TMEM273: variants seen among roughly 807,000 people sequenced by gnomAD.
TMEM273 encodes chromosome 10 open reading frame 128.
A neutral mutation model predicts 17.9 loss-of-function variants in TMEM273; 19 were observed. The ratio of observed to expected loss-of-function variants is 1.06; its 90% CI spans 0.74 to 1.55. The LOEUF is 1.55. TMEM273 is among the 40% of genes most tolerant of loss of function. TMEM273 has a pLI of 0.00. For missense variants in TMEM273, 194 were observed against 155.6 expected (o/e 1.25, Z -1.31); for synonymous variants, 66 against 62.0 (o/e 1.07, Z -0.31).
chr10:49,167,020 G>A lies in TMEM273; in HGVS notation c.98-11C>T, dbSNP rs762857512. On this transcript the variant is annotated splice_polypyrimidine_tract_variant and intron_variant, in intron 2 of 6. Transcript: ENST00000374153. ...GGGCGTACTTGAAATCTGAAACGCA[G>A]GGAGGAATTGAACACCCGGTTTCAG... is the stretch of plus-strand genomic sequence containing the variant. 2.7e-5 allele frequency: 44 copies of A among 1,613,214 alleles called. No individual in the cohort carries two copies. Among genetic ancestry groups the A allele is most frequent in the Non-Finnish European group, 3.7e-5 (44 of 1,179,496 alleles).
chr10:49,165,654 A>G, intron 4 of TMEM273, 112 bp downstream of exon 4: 1 of 1,485,294 alleles, frequency 6.7e-7, no homozygotes, highest in Non-Finnish European at 9.3e-7. Flanking sequence ...CTAGTCACCT[A>G]GAAAGCATGC....
chr10:49,186,818 T>G (rs1425335156), intron 1 of TMEM273, among the ~76,000 whole-genome samples: 1 of 152,174 alleles, frequency 6.6e-6, no homozygotes, highest in Non-Finnish European at 1.5e-5. Context: ...GATTAAAACC[T>G]TATCTATAAC....
At chr10:49,165,429 G>C in intron 4 of TMEM273, 146 bp from the exon 5 acceptor site, 1 of 1,498,658 alleles carries the variant, frequency 6.7e-7, no homozygotes, top group South Asian at 1.4e-5. Flanking sequence ...AACCACGTGT[G>C]ACCTCCCAAG....
Position 49,165,814 on chromosome 10 carries a change from G to A in TMEM273, c.239-18C>T, listed in dbSNP as rs750563527. Reference sequence around the variant, plus strand: ...GATGGTGTCTAAACAGAGAAAGCCGGGCATTAGGAAGGGGGTCGTGTGACA... The same window carrying A: ...GATGGTGTCTAAACAGAGAAAGCCGAGCATTAGGAAGGGGGTCGTGTGACA... On this transcript the variant is annotated intron_variant, in intron 3 of 6. Transcript: ENST00000374153. The A allele has an allele frequency of 1.9e-6, 3 of 1,614,150 alleles. No homozygotes were observed. The highest frequency in any genetic ancestry group is 2.5e-6 in the Non-Finnish European group (3 of 1,179,996).
At chr10:49,178,726 C>G (rs1429682349) in intron 1 of TMEM273, among the ~76,000 whole-genome samples, 1 of 152,220 alleles carries the variant, frequency 6.6e-6, no homozygotes, top group Non-Finnish European at 1.5e-5. Flanking sequence ...TAGTTTGGTT[C>G]AAGAGCTTCT....
chr10:49,177,054 A>T (rs529431768), intron 1 of TMEM273, among the ~76,000 whole-genome samples: 1 of 152,276 alleles, frequency 6.6e-6, no homozygotes, highest in African/African-American at 2.4e-5. Flanking sequence ...CAGGGGAGGC[A>T]GGGTCAGATG....
chr10:49,177,674 T>C (rs1847074354), intron 1 of TMEM273, among the ~76,000 whole-genome samples: 2 of 152,172 alleles, frequency 1.3e-5, no homozygotes, highest in Non-Finnish European at 2.9e-5. Context: ...GACCAAAGTA[T>C]CTTAATGTGT....
chr10:49,164,077 C>G (rs1846013130), intron 5 of TMEM273, among the ~76,000 whole-genome samples: 1 of 152,168 alleles, frequency 6.6e-6, no homozygotes, highest in African/African-American at 2.4e-5. Flanking sequence ...AACCCTGTGT[C>G]AACCCAGACC....
At position 49,181,997 on chromosome 10, in the gene TMEM273, A is replaced by C. The variant is rs190702392; in HGVS notation, c.43+6297T>G. ...ACTCTTAAAATTCAACAGTAAAAGAAAAAAGCAAGCAATTCATTTAGAAAA... is the reference window on the plus strand; with the variant it reads ...ACTCTTAAAATTCAACAGTAAAAGACAAAAGCAAGCAATTCATTTAGAAAA... On this transcript the variant is annotated intron_variant, in intron 1 of 6. Transcript: ENST00000374153. 2.1e-4 allele frequency among the ~76,000 whole-genome samples: 32 copies of C among 152,364 alleles called. No individual in the cohort carries two copies. The East Asian group carries it at 5.0e-3, about 24-fold the overall frequency.
At chr10:49,187,802 G>C (rs762275560) in intron 1 of TMEM273, among the ~76,000 whole-genome samples, 1 of 152,204 alleles carries the variant, frequency 6.6e-6, no homozygotes, top group Non-Finnish European at 1.5e-5. Flanking sequence ...GTAGCAAAGA[G>C]TCTGCTTCAC....
chr10:49,161,839 T>TA (rs1845862555), intron 5 of TMEM273, among the ~76,000 whole-genome samples: 1 of 152,132 alleles, frequency 6.6e-6, no homozygotes, highest in Non-Finnish European at 1.5e-5. Flanking sequence ...GGAGCTCTGT[T>TA]ACGATACCTG....
chr10:49,179,994 C>T (rs370649483), intron 1 of TMEM273, among the ~76,000 whole-genome samples: 5 of 152,226 alleles, frequency 3.3e-5, no homozygotes, highest in African/African-American at 9.6e-5. Flanking sequence ...GGAGCCCCCA[C>T]TCCCCAACGA....
At chr10:49,167,148 C>A (rs899176148) in intron 2 of TMEM273, 139 bp from the exon 3 acceptor site, 3 of 1,175,772 alleles carry the variant, frequency 2.6e-6, no homozygotes, top group Non-Finnish European at 3.6e-6. Context: ...CTTCTACTCT[C>A]CCATGAGTCC....
At chr10:49,174,341 A>AGT (rs1366463945) in intron 1 of TMEM273, among the ~76,000 whole-genome samples, 1 of 152,190 alleles carries the variant, frequency 6.6e-6, no homozygotes, top group East Asian at 1.9e-4. Context: ...ACCTACCCCA[A>AGT]GTGCAATAGC....
intron 1 of TMEM273, among the ~76,000 whole-genome samples, chr10:49,179,288 T>A (rs1847192300): frequency 2.0e-5 from 3 of 152,262 alleles, no homozygotes; most frequent in Admixed American, 2.0e-4. Context: ...TGAGTATGTG[T>A]TGGCCTGTGG....
intron 1 of TMEM273, among the ~76,000 whole-genome samples, chr10:49,183,638 T>C (rs1054540546): frequency 1.3e-5 from 2 of 152,172 alleles, no homozygotes; most frequent in African/African-American, 4.8e-5. Flanking sequence ...AATGCCTCAG[T>C]TTGAATCCCA....
At chr10:49,175,648 G>A (rs748591836) in intron 1 of TMEM273, among the ~76,000 whole-genome samples, 1 of 152,272 alleles carries the variant, frequency 6.6e-6, no homozygotes, top group Non-Finnish European at 1.5e-5. Flanking sequence ...GGCTAATGGA[G>A]GGGTGGAGGC....
chr10:49,188,246 GC>G (rs1348628423), intron 1 of TMEM273, 47 bp downstream of exon 1: 1 of 1,608,648 alleles, frequency 6.2e-7, no homozygotes, highest in South Asian at 1.1e-5. Context: ...CCAGTTTCCT[GC>G]CCACTGAGGC....
chr10:49,178,370 G>A, intron 1 of TMEM273: 1 of 449,816 alleles, frequency 2.2e-6, no homozygotes, highest in Admixed American at 2.4e-5. Flanking sequence ...TTACTGAGCA[G>A]GTTCTAGAGC....
Sources: allele counts gnomAD v4.1 joint callset (sites outside exome capture counted in the v4.1 genomes callset), GRCh38; gene constraint gnomAD v4.1.1; transcripts MANE v1.5; gene names NCBI Gene and HGNC (gene_info 2026-07-23, HGNC 2026-07-21).